PODXL2: variants seen among roughly 807,000 people sequenced by gnomAD.
PODXL2 encodes the protein podocalyxin-like protein 2.
A neutral mutation model predicts 53.4 loss-of-function variants in PODXL2; 17 were observed. The observed-to-expected ratio is 0.32, with a 90% CI of 0.22 to 0.48. The LOEUF (loss-of-function observed/expected upper bound fraction) is 0.48. PODXL2 is among the 20% of genes least tolerant of loss of function. PODXL2 has a pLI of 0.99. For missense variants in PODXL2, 673 were observed against 760.0 expected (o/e 0.89, Z 1.35); for synonymous variants, 311 against 306.7 (o/e 1.01, Z -0.15).
intron 1 of PODXL2, among the ~76,000 whole-genome samples, chr3:127,637,156 C>T (rs2074582535): frequency 6.6e-6 from 1 of 152,132 alleles, no homozygotes; most frequent in Non-Finnish European, 1.5e-5. Flanking sequence ...CTTTCTAAAG[C>T]TGAGAGTTGG....
chr3:127,643,859 G>A (rs1054998993), intron 2 of PODXL2, among the ~76,000 whole-genome samples: 1 of 150,406 alleles, frequency 6.6e-6, no homozygotes, highest in African/African-American at 2.4e-5. Flanking sequence ...GGCTGGTCTT[G>A]AACTCCTGGG....
At chr3:127,639,109 C>A in intron 1 of PODXL2, 136 bp from the exon 2 acceptor site, 1 of 862,444 alleles carries the variant, frequency 1.2e-6, no homozygotes, top group Non-Finnish European at 1.8e-6. Flanking sequence ...CCCCGCAAAG[C>A]CTCTGGGTTT....
intron 2 of PODXL2, among the ~76,000 whole-genome samples, chr3:127,659,851 A>G (rs1275089689): frequency 6.6e-6 from 1 of 152,120 alleles, no homozygotes; most frequent in African/African-American, 2.4e-5. Flanking sequence ...CAGGGCCTAA[A>G]TTACAGAAAA....
chr3:127,663,789 GA>G (rs2074780859), intron 4 of PODXL2, among the ~76,000 whole-genome samples: 4 of 152,176 alleles, frequency 2.6e-5, no homozygotes, highest in Admixed American at 6.5e-5. Context: ...AATGGTACAT[GA>G]AGACCACAGA....
At position 127,672,416 on chromosome 3, in the gene PODXL2, C is replaced by A. The variant is rs2107548366; in HGVS notation, c.1754C>A (p.Ala585Glu). 6 of 1,541,838 alleles carry A rather than the reference C, an allele frequency of 3.9e-6. No individual in the cohort carries two copies. In the South Asian group the frequency reaches 7.1e-5, roughly 18 times the overall value. The change falls in exon 8 of 8, where the codon GCG (alanine) becomes GAG (glutamate). Residue 585 changes from alanine to glutamate, a missense_variant. By Grantham distance (107) the Ala-to-Glu change is moderately radical. This residue lies in a region of PODXL2 where 79 missense variants were observed against 70.5 expected (regional missense o/e 1.12). Coordinates refer to ENST00000342480, the MANE Select transcript of PODXL2 (RefSeq NM_015720.4). ...GALNGPGSWG[A>E]LMGGKRDPED... is the part of the protein sequence containing the mutation. ...CTCAACGGCCCGGGGAGCTGGGGGG[C>A]GCTCATGGGGGGCAAGCGGGACCCC...
intron 4 of PODXL2, among the ~76,000 whole-genome samples, chr3:127,667,270 C>T (rs917669457): frequency 6.6e-6 from 1 of 152,250 alleles, no homozygotes; most frequent in African/African-American, 2.4e-5. Context: ...CGGAACAGCT[C>T]ATTAGCCTGG....
chr3:127,654,561 G>A lies in PODXL2; in HGVS notation c.350-5817G>A, dbSNP rs115433160. 2.8e-3 allele frequency among the ~76,000 whole-genome samples: 429 copies of A among 152,200 alleles called. 2 individuals carry two copies. The highest frequency in any genetic ancestry group is 9.9e-3 in the African/African-American group (412 of 41,518). ...TCTGTTTCTGTTTTAGGAGACATTT[G>A]TAATACTGAAATCATATTTACACTT... On this transcript the variant is annotated intron_variant, in intron 2 of 7. Transcript: ENST00000342480.
At chr3:127,661,332 G>A (rs1432951336) in intron 3 of PODXL2, among the ~76,000 whole-genome samples, 173 bp downstream of exon 3, 1 of 152,162 alleles carries the variant, frequency 6.6e-6, no homozygotes, top group African/African-American at 2.4e-5. Context: ...GGCCAACAAT[G>A]GGTGTTCTCC....
In PODXL2 at chr3:127,661,023, C is replaced by T. The variant is rs1559877797; in HGVS notation, c.995C>T (p.Ala332Val). 6.2e-7 allele frequency: 1 copy of T among 1,614,216 alleles called. No individual in the cohort carries two copies. The highest frequency in any genetic ancestry group is 8.5e-7 in the Non-Finnish European group (1 of 1,180,018). ...DEDPLGSRTS[A>V]SSPLAPGDME... ...GATCCCCTTGGCTCTAGAACCTCAGCCTCTTCCCCACTGGCCCCTGGAGAC... is the reference window on the plus strand; with the variant it reads ...GATCCCCTTGGCTCTAGAACCTCAGTCTCTTCCCCACTGGCCCCTGGAGAC... Residue 332 changes from alanine to valine, a missense_variant, in exon 3 of 8, where the codon GCC becomes GTC. Physicochemically the swap from Ala to Val is moderately conservative, Grantham distance 64. Transcript: ENST00000342480.
In PODXL2 at chr3:127,668,483, G is replaced by A. The variant is rs1448517242; in HGVS notation, c.1249G>A (p.Val417Met). ...CCGGGGGCCACAGCTCCTGGCCCTG[G>A]TGGAAGAGGTGCTGCCCCGCCATGG... ...QHRGPQLLAL[V>M]EEVLPRHGSG... The change falls in exon 5 of 8, where the codon GTG becomes ATG. Residue 417 changes from valine to methionine, a missense_variant. By Grantham distance (21) the Val-to-Met change is conservative (BLOSUM62 1). Coordinates refer to ENST00000342480, the MANE Select transcript of PODXL2 (RefSeq NM_015720.4). 2 of 1,541,306 alleles carry A rather than the reference G, an allele frequency of 1.3e-6. No individual in the cohort carries two copies. The highest frequency in any genetic ancestry group is 2.7e-5 in the African/African-American group (2 of 73,276).
rs528709255 is a variant in PODXL2, at chr3:127,643,867, G to A, written c.349+4344G>A. The stretch of plus-strand genomic sequence containing the variant: ...TTTCCCAGGCTGGTCTTGAACTCCT[G>A]GGCTCAAGCAATCCACCTGCCTCAG... On this transcript the variant is annotated intron_variant, in intron 2 of 7. Transcript: ENST00000342480. Among the ~76,000 whole-genome samples the A allele has an allele frequency of 2.0e-5, 3 of 152,026 alleles. No homozygotes were observed. The South Asian group carries it at 6.2e-4, about 32-fold the overall frequency.
At chr3:127,644,309 G>C (rs1245420685) in intron 2 of PODXL2, among the ~76,000 whole-genome samples, 3 of 151,910 alleles carry the variant, frequency 2.0e-5, no homozygotes, top group Non-Finnish European at 2.9e-5. Context: ...GGGTTTTACC[G>C]TGTTGCCCAG....
intron 5 of PODXL2, 107 bp downstream of exon 5, chr3:127,668,704 C>A: frequency 9.0e-7 from 1 of 1,110,538 alleles, no homozygotes; most frequent in Non-Finnish European, 1.2e-6. Flanking sequence ...AAACTTGGAA[C>A]TCCAGGACAG....
At chr3:127,644,772 G>C (rs569542215) in intron 2 of PODXL2, among the ~76,000 whole-genome samples, 1 of 152,246 alleles carries the variant, frequency 6.6e-6, no homozygotes, top group Non-Finnish European at 1.5e-5. Flanking sequence ...TGGCTGTGAG[G>C]TGGAGATACC....
rs1340117226 is a variant in PODXL2, at chr3:127,672,523, G to A, written c.*43G>A. The A allele has an allele frequency of 1.5e-6, 2 of 1,293,192 alleles. No individual in the cohort carries two copies. The highest frequency in any genetic ancestry group is 2.1e-6 in the Non-Finnish European group (2 of 972,722). The allele number at this position is 1,293,192 out of a possible 1,614,324, so 80.1% of individuals were successfully genotyped here. A position where few individuals can be genotyped will look rare whatever the true frequency, so the allele number is the denominator to read the frequency against. ...GCCGAGTGGGCCGCCAGGACCAAGC[G>A]AGGTGGACCCCGAAACGGACGGCCC... On this transcript the variant is annotated 3_prime_UTR_variant, in exon 8 of 8. Transcript: ENST00000342480.
intron 2 of PODXL2, among the ~76,000 whole-genome samples, chr3:127,641,751 G>A (rs1371937086): frequency 6.6e-6 from 1 of 150,396 alleles, no homozygotes; most frequent in East Asian, 2.0e-4. Context: ...CCTGACCTCA[G>A]GTGATGTGCC....
intron 4 of PODXL2, among the ~76,000 whole-genome samples, chr3:127,663,500 C>T (rs1233459806): frequency 6.6e-6 from 1 of 152,202 alleles, no homozygotes; most frequent in Non-Finnish European, 1.5e-5. Context: ...GACATGCATG[C>T]GTTGAATCCA....
rs1250508069 is a variant in PODXL2 at position 127,671,319 on chromosome 3, G to A, written c.1426-115G>A. On this transcript the variant is annotated intron_variant, in intron 6 of 7. Transcript: ENST00000342480. ...CCAGGGAACTTCAGGAGCCGGGAGT[G>A]CCAGCACCTTCTAAGCCTGCTCCCC... The A allele has an allele frequency of 4.0e-5, 37 of 914,716 alleles. No individual in the cohort carries two copies. In the East Asian group the frequency reaches 8.4e-4, roughly 21 times the overall value. 56.7% of individuals were successfully genotyped at this position (914,716 alleles called of 1,614,324 possible). A position where few individuals can be genotyped will look rare whatever the true frequency, so the allele number is the denominator to read the frequency against.
At chr3:127,654,341 G>A (rs1024120867) in intron 2 of PODXL2, among the ~76,000 whole-genome samples, 5 of 152,208 alleles carry the variant, frequency 3.3e-5, no homozygotes, top group African/African-American at 9.6e-5. Flanking sequence ...TTAGTGAATC[G>A]TACCGTGGTT....
Sources: allele counts gnomAD v4.1 joint callset (sites outside exome capture counted in the v4.1 genomes callset), GRCh38; gene constraint gnomAD v4.1.1; regional missense constraint gnomAD v4.1.1; transcripts MANE v1.5; gene names NCBI Gene and HGNC (gene_info 2026-07-23, HGNC 2026-07-21).